The following LARP4 variants were observed in gnomAD, a reference collection of about 807,000 sequenced individuals.
The protein encoded by LARP4 is La ribonucleoprotein 4, also known as la-related protein 4.
A neutral mutation model predicts 92.9 loss-of-function variants in LARP4; 29 were observed. The observed-to-expected ratio is 0.31, with a 90% CI of 0.23 to 0.43. LARP4 has a LOEUF of 0.43. Ranked by LOEUF, LARP4 falls within the 20% of genes least tolerant of loss-of-function variation. LARP4 has a pLI of 1.00. For synonymous variants in LARP4, 279 were observed against 284.1 expected (o/e 0.98, Z 0.18); for missense variants, 732 against 860.0 (o/e 0.85, Z 1.86).
At chr12:50,447,175 G>A (rs531179694) in intron 8 of LARP4, among the ~76,000 whole-genome samples, 10 of 152,252 alleles carry the variant, frequency 6.6e-5, no homozygotes, top group African/African-American at 2.4e-4. Context: ...CTGCTCAGTG[G>A]AAATGCTCAT....
At position 50,426,692 on chromosome 12, in the gene LARP4, T is replaced by G. The variant is rs900374644; in HGVS notation, c.19-1070T>G. ...CAGGGCATTATGTTTGGGGTGTGTG[T>G]GTGTGTGTGTGTGTGTGTGTGTGTG... On this transcript the variant is annotated intron_variant, in intron 1 of 15. Transcript: ENST00000398473. 9.1e-4 allele frequency among the ~76,000 whole-genome samples: 95 copies of G among 103,874 alleles called. 1 individual carries two copies. The highest frequency in any genetic ancestry group is 5.4e-3 in the African/African-American group (85 of 15,832). The allele number at this position is 103,874 out of a possible 152,430, so 68.1% of individuals were successfully genotyped here. A position where few individuals can be genotyped will look rare whatever the true frequency, so the allele number is the denominator to read the frequency against.
At chr12:50,471,869 A>G (rs1437805685) in intron 13 of LARP4, among the ~76,000 whole-genome samples, 1 of 152,128 alleles carries the variant, frequency 6.6e-6, no homozygotes, top group Admixed American at 6.6e-5. Context: ...TTTTTTACAC[A>G]TTCTGTGCAC....
chr12:50,438,474 G>A (rs1219147437), intron 6 of LARP4, among the ~76,000 whole-genome samples: 1 of 141,048 alleles, frequency 7.1e-6, no homozygotes, highest in Admixed American at 7.6e-5. Flanking sequence ...CTGGGTTACA[G>A]AGTGAGACTC....
intron 1 of LARP4, among the ~76,000 whole-genome samples, chr12:50,408,477 A>G (rs1028137773): frequency 1.3e-5 from 2 of 152,118 alleles, no homozygotes; most frequent in African/African-American, 4.8e-5. Context: ...GACTACAGGC[A>G]TGAGCCACCG....
rs1949496208 is a variant in LARP4 at position 50,430,580 on chromosome 12, T to A, written c.398+10T>A. 3.3e-6 allele frequency: 5 copies of A among 1,538,202 alleles called. No homozygotes were observed. The highest frequency in any genetic ancestry group is 4.5e-6 in the Non-Finnish European group (5 of 1,119,902). ...AATTCTGTTTTTCACGGTATTGCTG[T>A]TTCCCCTTTATTGAATTTTATTAGT... is the stretch of plus-strand genomic sequence containing the variant. On this transcript the variant is annotated intron_variant, in intron 4 of 15. Coordinates refer to ENST00000398473, the MANE Select transcript of LARP4 (RefSeq NM_052879.5).
intron 4 of LARP4, among the ~76,000 whole-genome samples, chr12:50,434,393 T>C (rs1199095954): frequency 6.6e-6 from 1 of 151,046 alleles, no homozygotes; most frequent in African/African-American, 2.4e-5. Context: ...TAATATTAAA[T>C]ATATATTTTT....
At chr12:50,468,911 T>G (rs1023743190) in intron 13 of LARP4, among the ~76,000 whole-genome samples, 9 of 152,064 alleles carry the variant, frequency 5.9e-5, no homozygotes, top group Non-Finnish European at 8.8e-5. Flanking sequence ...GTTTCTCCTT[T>G]TGTGTGCACT....
At chr12:50,412,483 G>A (rs1038108163) in intron 1 of LARP4, 12 of 871,542 alleles carry the variant, frequency 1.4e-5, no homozygotes, top group South Asian at 5.3e-5. Flanking sequence ...ATGTATGTCC[G>A]AAGAGACGGT....
intron 6 of LARP4, 143 bp from the exon 7 acceptor site, chr12:50,440,295 CA>C: frequency 1.6e-6 from 1 of 626,576 alleles, no homozygotes. Flanking sequence ...AGCCCATCCT[CA>C]GTGGAAAAAT....
intron 1 of LARP4, among the ~76,000 whole-genome samples, chr12:50,424,242 G>A (rs567025145): frequency 2.6e-4 from 39 of 152,220 alleles, no homozygotes; most frequent in South Asian, 1.2e-3. Context: ...TGGTGTTCCA[G>A]GCCTGTAGTC....
intron 8 of LARP4, among the ~76,000 whole-genome samples, chr12:50,443,600 A>T (rs780829183): frequency 1.8e-4 from 28 of 151,406 alleles, no homozygotes; most frequent in Middle Eastern, 3.2e-3. Flanking sequence ...AATTTAATTT[A>T]ATTTTATTTT....
chr12:50,441,788 C>T (rs892613951), intron 8 of LARP4, 145 bp downstream of exon 8: 23 of 649,500 alleles, frequency 3.5e-5, no homozygotes, highest in South Asian at 1.6e-4. Flanking sequence ...GTGGCTCACA[C>T]CTGTGATCCC....
intron 1 of LARP4, among the ~76,000 whole-genome samples, chr12:50,411,246 C>T (rs539801467): frequency 4.0e-5 from 6 of 150,784 alleles, no homozygotes; most frequent in South Asian, 2.1e-4. Flanking sequence ...AGTGCAGTGG[C>T]GCAATCTTGG....
chr12:50,423,606 G>A (rs559218822), intron 1 of LARP4, among the ~76,000 whole-genome samples: 5 of 151,234 alleles, frequency 3.3e-5, no homozygotes, highest in South Asian at 2.1e-4. Flanking sequence ...AGGCCACCAC[G>A]CCCGGCTAAT....
intron 10 of LARP4, among the ~76,000 whole-genome samples, chr12:50,455,654 C>T (rs940096314): frequency 6.6e-6 from 1 of 152,004 alleles, no homozygotes; most frequent in African/African-American, 2.4e-5. Context: ...AAATGAGCCC[C>T]AACAGAATGA....
chr12:50,468,274 G>A (rs1231449584), intron 13 of LARP4, among the ~76,000 whole-genome samples: 7 of 139,570 alleles, frequency 5.0e-5, no homozygotes, highest in African/African-American at 1.6e-4. Context: ...CACTGCGCCC[G>A]GCCCTGTATT....
Position 50,475,531 on chromosome 12 carries a change from C to T in LARP4, c.1842C>T (p.Pro614=). The change falls in exon 16 of 16, where the codon CCC becomes CCT. Residue 614 remains proline, a synonymous_variant. Transcript: ENST00000398473. Reference sequence around the variant, plus strand: ...TTTTTATCATCACTTCAAAGGAACCCCGAAAGTTAAGTTATGCTGAAGTGT... The same window carrying T: ...TTTTTATCATCACTTCAAAGGAACCTCGAAAGTTAAGTTATGCTGAAGTGT... ...NAATAVALQE[P]RKLSYAEVCQ... 1 of 1,597,366 alleles carries T rather than the reference C, an allele frequency of 6.3e-7. No homozygotes were observed. The highest frequency in any genetic ancestry group is 8.5e-7 in the Non-Finnish European group (1 of 1,173,058).
At chr12:50,410,383 C>T (rs1262214601) in intron 1 of LARP4, among the ~76,000 whole-genome samples, 1 of 150,130 alleles carries the variant, frequency 6.7e-6, no homozygotes, top group Admixed American at 6.7e-5. Flanking sequence ...GTCTGTTAGA[C>T]GTCTATTAAT....
chr12:50,473,788 CCGGGGGGTGGGGGTGGGT>C (rs1258019960), intron 14 of LARP4, among the ~76,000 whole-genome samples, 193 bp from the exon 15 acceptor site: 1 of 9,476 alleles, frequency 1.1e-4, no homozygotes, highest in African/African-American at 4.2e-4. Flanking sequence ...ATTGCTTGAA[CCGGGGGGTGGGGGTGGGT>C]GGGGGGGTGG....
Sources: allele counts gnomAD v4.1 joint callset (sites outside exome capture counted in the v4.1 genomes callset), GRCh38; gene constraint gnomAD v4.1.1; transcripts MANE v1.5; gene names NCBI Gene and HGNC (gene_info 2026-07-23, HGNC 2026-07-21).